The following CHST8 variants were observed in gnomAD, a reference collection of about 807,000 sequenced individuals.
CHST8 encodes GALNAC-4-ST1.
A neutral mutation model predicts 15.0 loss-of-function variants in CHST8; 10 were observed. That is an observed-to-expected ratio of 0.67 (90% CI 0.41 to 1.13). The LOEUF is 1.13. CHST8 is among the 50% of genes most tolerant of loss of function. The probability of loss-of-function intolerance (pLI) is 0.00; values close to 1 mark genes in which losing one functional copy is unlikely to be tolerated. For missense variants in CHST8, 634 were observed against 608.2 expected (o/e 1.04, Z -0.45); for synonymous variants, 259 against 256.6 (o/e 1.01, Z -0.09).
At chr19:33,769,737 A>G (rs1331465492) in intron 3 of CHST8, among the ~76,000 whole-genome samples, 1 of 152,104 alleles carries the variant, frequency 6.6e-6, no homozygotes, top group African/African-American at 2.4e-5. Flanking sequence ...GGGTGCAGCC[A>G]GGTCTACTTG....
chr19:33,762,399 T>G (rs12982442), intron 3 of CHST8, among the ~76,000 whole-genome samples: 38,301 of 152,158 alleles, frequency 0.25, 5,033 homozygotes, highest in African/African-American at 0.27. Flanking sequence ...CTCTGACAGC[T>G]CCAAGGGAAT....
intron 1 of CHST8, among the ~76,000 whole-genome samples, chr19:33,624,371 C>T (rs1255560344): frequency 6.6e-6 from 1 of 152,142 alleles, no homozygotes; most frequent in Admixed American, 6.6e-5. Context: ...GGACTGTAAC[C>T]GACGACAGAG....
At chr19:33,751,223 G>A (rs1002959123) in intron 3 of CHST8, among the ~76,000 whole-genome samples, 23 of 152,162 alleles carry the variant, frequency 1.5e-4, no homozygotes, top group African/African-American at 5.3e-4. Context: ...CAGCTGCCAC[G>A]GCAGGGACCC....
intron 2 of CHST8, among the ~76,000 whole-genome samples, chr19:33,676,953 T>A (rs960073769): frequency 1.3e-5 from 2 of 151,786 alleles, no homozygotes; most frequent in African/African-American, 4.8e-5. Context: ...CTACCAAGGG[T>A]CATTGGATGT....
In CHST8 at chr19:33,757,520, A is replaced by C. The variant is rs867568034; in HGVS notation, c.131-13893A>C. On this transcript the variant is annotated intron_variant, in intron 3 of 4. Coordinates refer to ENST00000650847, the MANE Select transcript of CHST8 (RefSeq NM_001127895.2). The stretch of plus-strand genomic sequence containing the variant: ...AAAGAAAGAAAGAAAGAAAGAAAGA[A>C]AGAGAAAGAAAGAAAGAAAGAAAGA... Among the ~76,000 whole-genome samples, 11 of 20,680 alleles carry C rather than the reference A, an allele frequency of 5.3e-4. 1 individual carries two copies. Among genetic ancestry groups the C allele is most frequent in the East Asian group, 1.5e-3 (1 of 650 alleles). 13.6% of individuals were successfully genotyped at this position (20,680 alleles called of 152,430 possible).
At chr19:33,734,442 A>G (rs1400279806) in intron 3 of CHST8, among the ~76,000 whole-genome samples, 2 of 152,222 alleles carry the variant, frequency 1.3e-5, no homozygotes, top group East Asian at 3.9e-4. Flanking sequence ...TTTCTTGTGC[A>G]AGATCCAAGA....
intron 3 of CHST8, among the ~76,000 whole-genome samples, chr19:33,726,587 G>A (rs747460812): frequency 2.0e-5 from 3 of 152,170 alleles, no homozygotes; most frequent in Admixed American, 1.3e-4. Context: ...GAGGTGGGGA[G>A]TGAAGGGTGT....
rs376722182 is a variant in CHST8, at chr19:33,690,008, G to A, written c.130+617G>A. Among the ~76,000 whole-genome samples, 21 of 152,286 alleles carry A rather than the reference G, an allele frequency of 1.4e-4. No homozygotes were observed. In the East Asian group the frequency reaches 2.3e-3, roughly 17 times the overall value. ...GTGATTCTGGCATCTCAGGGCAGAC[G>A]GAGTGTGGAGAGGGAGTTCAGGCAA... On this transcript the variant is annotated intron_variant, in intron 3 of 4. Transcript: ENST00000650847.
chr19:33,771,372 C>A (rs747859086), intron 3 of CHST8, 41 bp from the exon 4 acceptor site: 12 of 1,606,186 alleles, frequency 7.5e-6, no homozygotes, highest in Non-Finnish European at 1.0e-5. Context: ...AGCCATGTGG[C>A]AGATCCGCTA....
chr19:33,624,853 G>A (rs1256803206), intron 1 of CHST8, among the ~76,000 whole-genome samples: 1 of 152,168 alleles, frequency 6.6e-6, no homozygotes, highest in Non-Finnish European at 1.5e-5. Context: ...GCTTGTAGGG[G>A]CTGATGGGGA....
intron 1 of CHST8, among the ~76,000 whole-genome samples, chr19:33,639,763 A>G (rs1972254487): frequency 6.6e-6 from 1 of 152,232 alleles, no homozygotes; most frequent in East Asian, 1.9e-4. Context: ...GGTCTTTTCA[A>G]CATCTTAAGT....
intron 3 of CHST8, among the ~76,000 whole-genome samples, chr19:33,763,673 G>A (rs533693799): frequency 4.7e-4 from 71 of 152,342 alleles, no homozygotes; most frequent in African/African-American, 1.5e-3. Context: ...TTTTCCGGGC[G>A]TTCTGTGCCC....
chr19:33,677,247 C>T (rs148866022), intron 2 of CHST8, among the ~76,000 whole-genome samples: 25 of 152,290 alleles, frequency 1.6e-4, no homozygotes, highest in African/African-American at 5.1e-4. Flanking sequence ...CTGCCCACAT[C>T]CCTGCCCCAC....
chr19:33,625,151 T>C (rs931417591), intron 1 of CHST8, among the ~76,000 whole-genome samples: 1 of 151,842 alleles, frequency 6.6e-6, no homozygotes, highest in Admixed American at 6.6e-5. Context: ...AATGTTGCGA[T>C]CTCTGTTTGC....
intron 2 of CHST8, among the ~76,000 whole-genome samples, chr19:33,674,663 G>A (rs1268434462): frequency 2.0e-5 from 3 of 152,156 alleles, no homozygotes; most frequent in South Asian, 4.1e-4. Context: ...GGAGAGGAGC[G>A]GGAGGCACAG....
At chr19:33,719,997 G>T (rs1015420182) in intron 3 of CHST8, among the ~76,000 whole-genome samples, 1 of 151,900 alleles carries the variant, frequency 6.6e-6, no homozygotes, top group Non-Finnish European at 1.5e-5. Context: ...TTCCCCTCTG[G>T]GAGAGCTTCG....
chr19:33,705,608 G>T (rs56023130), intron 3 of CHST8, among the ~76,000 whole-genome samples: 1 of 152,106 alleles, frequency 6.6e-6, no homozygotes, highest in African/African-American at 2.4e-5. Context: ...CTGGAGATGC[G>T]GGTGTGGGTG....
At chr19:33,653,158 C>T (rs1375715835) in intron 1 of CHST8, among the ~76,000 whole-genome samples, 1 of 152,108 alleles carries the variant, frequency 6.6e-6, no homozygotes, top group East Asian at 1.9e-4. Flanking sequence ...CTCACATAAC[C>T]CCTTAGTAGT....
At chr19:33,706,354 G>A (rs911451995) in intron 3 of CHST8, among the ~76,000 whole-genome samples, 2 of 152,192 alleles carry the variant, frequency 1.3e-5, no homozygotes, top group Non-Finnish European at 2.9e-5. Flanking sequence ...GTGTGCATGT[G>A]TGTGTGCATC....
Sources: allele counts gnomAD v4.1 joint callset (sites outside exome capture counted in the v4.1 genomes callset), GRCh38; gene constraint gnomAD v4.1.1; transcripts MANE v1.5; gene names NCBI Gene and HGNC (gene_info 2026-07-23, HGNC 2026-07-21).